ACAN: variants seen among roughly 807,000 people sequenced by gnomAD.
The protein encoded by ACAN is aggrecan core protein.
In ACAN, 47 loss-of-function variants were observed where a neutral mutation model predicts 169.1. The observed-to-expected ratio is 0.28, with a 90% CI of 0.22 to 0.35. ACAN has a LOEUF of 0.35. ACAN is among the 10% of genes least tolerant of loss of function. ACAN has a pLI of 1.00. For missense variants in ACAN, 2,716 were observed against 2,759.9 expected (o/e 0.98, Z 0.36); for synonymous variants, 1,115 against 1,112.2 (o/e 1.00, Z -0.05).
chr15:88,829,331 T>C (rs1896302238), intron 1 of ACAN, among the ~76,000 whole-genome samples: 2 of 152,194 alleles, frequency 1.3e-5, no homozygotes, highest in South Asian at 4.1e-4. Context: ...AACTGTAAAC[T>C]GAGGCCTTAC....
chr15:88,837,385 T>C (rs921780184), intron 2 of ACAN, among the ~76,000 whole-genome samples: 1 of 152,220 alleles, frequency 6.6e-6, no homozygotes, highest in Non-Finnish European at 1.5e-5. Flanking sequence ...AAAGGTACCA[T>C]TGTCAAATAG....
In ACAN at chr15:88,873,813, A is replaced by C. The variant is rs1482704118; in HGVS notation, c.7448-29A>C. Reference sequence around the variant, plus strand: ...AGGTCATCCCAGGAGACCCTATGAGACCCTTTATAAAGGGTGTTTGCCCCT... The same window carrying C: ...AGGTCATCCCAGGAGACCCTATGAGCCCCTTTATAAAGGGTGTTTGCCCCT... On this transcript the variant is annotated intron_variant, in intron 17 of 18. Coordinates refer to ENST00000560601, the MANE Select transcript of ACAN (RefSeq NM_001369268.1). The surrounding 1 kb of genome is among the most constrained non-coding windows in gnomAD (Gnocchi z 7.5). 6.2e-7 allele frequency: 1 copy of C among 1,609,680 alleles called. No individual in the cohort carries two copies. Among genetic ancestry groups the C allele is most frequent in the South Asian group, 1.1e-5 (1 of 90,496 alleles).
chr15:88,819,773 C>T (rs1224119147), intron 1 of ACAN, among the ~76,000 whole-genome samples: 3 of 151,908 alleles, frequency 2.0e-5, no homozygotes, highest in Non-Finnish European at 4.4e-5. Flanking sequence ...CTCTAAAAAA[C>T]ATTTTTTTAA....
chr15:88,858,274 C>T lies in ACAN; in HGVS notation c.5689C>T (p.Leu1897=). The change falls in exon 12 of 19, where the codon CTA becomes TTA. Residue 1897 remains leucine, a synonymous_variant. Coordinates refer to ENST00000560601, the MANE Select transcript of ACAN (RefSeq NM_001369268.1). This position sits in a 1 kb window ranked among gnomAD's most constrained non-coding sequence, Gnocchi z 4.0. ...ATCCCAGACTCCGGAATTCAGTGGC[C>T]TACCAAGTGGCATAGCTGAGGTCAG... ...FTSQTPEFSG[L]PSGIAEVSGE... is the part of the protein sequence containing the mutation. 6.2e-7 allele frequency: 1 copy of T among 1,613,926 alleles called. No individual in the cohort carries two copies. The highest frequency in any genetic ancestry group is 1.3e-5 in the African/African-American group (1 of 75,020).
At chr15:88,830,069 T>C (rs527377413) in intron 1 of ACAN, among the ~76,000 whole-genome samples, 2 of 152,134 alleles carry the variant, frequency 1.3e-5, no homozygotes, top group South Asian at 4.2e-4. Context: ...GGGTGGGCGT[T>C]CACGTAGCCA....
intron 12 of ACAN, 59 bp downstream of exon 12, chr15:88,859,476 C>T: frequency 6.5e-7 from 1 of 1,549,112 alleles, no homozygotes; most frequent in East Asian, 2.4e-5. Context: ...TAGCCTACTG[C>T]AGCACAGAAG....
In ACAN at chr15:88,872,128, G is replaced by A. The variant is rs1897395667; in HGVS notation, c.7302+43G>A. On this transcript the variant is annotated intron_variant, in intron 16 of 18. Transcript: ENST00000560601. This position sits in a 1 kb window ranked among gnomAD's most constrained non-coding sequence, Gnocchi z 5.4. Reference sequence around the variant, plus strand: ...CACAGCTGGTGGCCCAGGGGACAGGGAGTGGGATAGAGACCCCTGGAGAGA... The same window carrying A: ...CACAGCTGGTGGCCCAGGGGACAGGAAGTGGGATAGAGACCCCTGGAGAGA... 2.0e-6 allele frequency: 3 copies of A among 1,532,854 alleles called. No individual in the cohort carries two copies. The highest frequency in any genetic ancestry group is 2.2e-5 in the East Asian group (1 of 44,466). The allele number at this position is 1,532,854 out of a possible 1,614,324, so 95.0% of individuals were successfully genotyped here. A position where few individuals can be genotyped will look rare whatever the true frequency, so the allele number is the denominator to read the frequency against.
At chr15:88,823,414 T>C (rs145572953) in intron 1 of ACAN, among the ~76,000 whole-genome samples, 2 of 146,830 alleles carry the variant, frequency 1.4e-5, no homozygotes, top group Non-Finnish European at 3.0e-5. Flanking sequence ...TTTTTGGTGG[T>C]TTTTTTTTTT....
chr15:88,813,944 T>C (rs1895880218), intron 1 of ACAN, among the ~76,000 whole-genome samples: 1 of 152,250 alleles, frequency 6.6e-6, no homozygotes, highest in Non-Finnish European at 1.5e-5. Context: ...CCCTCTGGTC[T>C]CTCCTCAGTT....
intron 1 of ACAN, among the ~76,000 whole-genome samples, chr15:88,828,779 C>T (rs181669392): frequency 6.6e-6 from 1 of 152,288 alleles, no homozygotes; most frequent in East Asian, 1.9e-4. Context: ...AGTTAATTCT[C>T]CCACCTGCCC....
At chr15:88,820,859 C>A (rs1225531997) in intron 1 of ACAN, among the ~76,000 whole-genome samples, 1 of 152,072 alleles carries the variant, frequency 6.6e-6, no homozygotes, top group Admixed American at 6.6e-5. Flanking sequence ...TAAACACATA[C>A]CCAAGACTGG....
intron 13 of ACAN, among the ~76,000 whole-genome samples, chr15:88,862,280 G>A (rs1897210133): frequency 1.3e-5 from 2 of 149,958 alleles, no homozygotes; most frequent in African/African-American, 5.0e-5. Flanking sequence ...AAATTATGAT[G>A]CCTGAGATCT....
chr15:88,826,213 T>C (rs1204435696), intron 1 of ACAN, among the ~76,000 whole-genome samples: 1 of 152,158 alleles, frequency 6.6e-6, no homozygotes, highest in East Asian at 1.9e-4. Flanking sequence ...CAGATGATGA[T>C]CATGCTTTTG....
rs76132372 is a variant in ACAN at position 88,860,473 on chromosome 15, G to A, written c.6946+34G>A. On this transcript the variant is annotated intron_variant, in intron 13 of 18. Coordinates refer to ENST00000560601, the MANE Select transcript of ACAN (RefSeq NM_001369268.1). ...CTCATTGGCCGTGGAGAGTGAGGGC[G>A]GAGGCGCTGGACAGACTTCTTCATC... is the stretch of plus-strand genomic sequence containing the variant. The A allele has an allele frequency of 2.9e-3, 4,596 of 1,572,786 alleles. 118 individuals are homozygous for A. The African/African-American group carries it at 0.053, about 18-fold the overall frequency.
chr15:88,825,214 C>T (rs1220566898), intron 1 of ACAN, among the ~76,000 whole-genome samples: 1 of 152,166 alleles, frequency 6.6e-6, no homozygotes, highest in Non-Finnish European at 1.5e-5. Context: ...GAACATTCAT[C>T]CTTTTCTGCC....
intron 1 of ACAN, among the ~76,000 whole-genome samples, chr15:88,808,973 A>G (rs1359232788): frequency 6.6e-6 from 1 of 152,232 alleles, no homozygotes; most frequent in East Asian, 1.9e-4. Context: ...TTGAAATCCT[A>G]GCTGTATCCC....
At position 88,858,586 on chromosome 15, in the gene ACAN, A is replaced by G. The variant is rs755204048; in HGVS notation, c.6001A>G (p.Thr2001Ala). 2 of 1,613,868 alleles carry G rather than the reference A, an allele frequency of 1.2e-6. No individual in the cohort carries two copies. The change falls in exon 12 of 19, where the codon ACT becomes GCT. Residue 2001 changes from threonine to alanine, a missense_variant. By Grantham distance (58) the Thr-to-Ala change is moderately conservative. Around this residue, in one of 3 missense-constraint regions of ACAN, gnomAD observed 1,389 missense variants for 1,363.7 expected, o/e 1.02. Coordinates refer to ENST00000560601, the MANE Select transcript of ACAN (RefSeq NM_001369268.1). This position sits in a 1 kb window ranked among gnomAD's most constrained non-coding sequence, Gnocchi z 4.0. ...LIEPSGEPPG[T>A]PYFSGDFAST... ...AGAGCCCAGCGGAGAGCCACCAGGT[A>G]CTCCATATTTTAGTGGGGATTTTGC...
chr15:88,839,244 C>G lies in ACAN; in HGVS notation c.454+198C>G, dbSNP rs1390822806. On this transcript the variant is annotated intron_variant, in intron 3 of 18. Transcript: ENST00000560601. The surrounding 1 kb of genome is among the most constrained non-coding windows in gnomAD (Gnocchi z 4.5). ...CTCTGGACTTAGGGAGCATTAAATA[C>G]TTCCTGGCTGTGGTCACAGGTAACT... Among the ~76,000 whole-genome samples the G allele has an allele frequency of 6.6e-6, 1 of 152,274 alleles. No individual in the cohort carries two copies. Among genetic ancestry groups the G allele is most frequent in the Non-Finnish European group, 1.5e-5 (1 of 68,054 alleles).
In ACAN at chr15:88,841,861, A is replaced by C. The variant is rs774343061; in HGVS notation, c.751A>C (p.Met251Leu). Reference sequence around the variant, plus strand: ...TGATGTGTACTGCTTCGCCGAGGAGATGGAGGGTGAGCTGCCCTGCCCACC... The same window carrying C: ...TGATGTGTACTGCTTCGCCGAGGAGCTGGAGGGTGAGCTGCCCTGCCCACC... ...TYDVYCFAEE[M>L]EGEVFYATSP... The change falls in exon 5 of 19, where the codon ATG (methionine) becomes CTG (leucine). Residue 251 changes from methionine to leucine, a missense_variant. This residue lies in a region of ACAN where 1,283 missense variants were observed against 1,281.5 expected (regional missense o/e 1.00). Transcript: ENST00000560601. 1.2e-6 allele frequency: 2 copies of C among 1,611,260 alleles called. No homozygotes were observed. The highest frequency in any genetic ancestry group is 3.4e-5 in the Admixed American group (2 of 59,606).
Sources: gnomAD v4.1 joint callset for allele counts (sites outside exome capture counted in the v4.1 genomes callset) on GRCh38, gnomAD v4.1.1 for gene constraint, gnomAD v4.1.1 regional missense constraint, Gnocchi (gnomAD v3.1) non-coding constraint, MANE v1.5 for transcripts, NCBI Gene and HGNC (gene_info 2026-07-23, HGNC 2026-07-21) for gene names.